SAMD3: variants seen among roughly 807,000 people sequenced by gnomAD.
SAMD3 encodes sterile alpha motif domain-containing protein 3.
In SAMD3, 63 loss-of-function variants were observed where a neutral mutation model predicts 58.5. The ratio of observed to expected loss-of-function variants is 1.08; its 90% CI spans 0.88 to 1.33. The LOEUF is 1.33. Ranked by LOEUF, SAMD3 falls within the 40% of genes most tolerant of loss-of-function variation. The pLI is 0.00. For missense variants in SAMD3, 604 were observed against 608.4 expected, an observed-to-expected ratio of 0.99 and a Z score of 0.08; for synonymous variants, 220 against 210.3, an observed-to-expected ratio of 1.05 and a Z score of -0.40.
At chr6:130,271,103 G>A (rs181823428) in intron 2 of SAMD3, among the ~76,000 whole-genome samples, 25 of 151,932 alleles carry the variant, frequency 1.6e-4, no homozygotes, top group Admixed American at 7.2e-4. Flanking sequence ...GGGCTCAAGC[G>A]ATTCTCCTGC....
Position 130,145,419 on chromosome 6 carries a change from A to C in SAMD3, c.1199T>G (p.Met400Arg). The C allele has an allele frequency of 6.2e-7, 1 of 1,608,210 alleles. No homozygotes were observed. Among genetic ancestry groups the C allele is most frequent in the Non-Finnish European group, 8.5e-7 (1 of 1,175,606 alleles). Reference protein sequence around the residue: ...HYTDEDMLKYMKMTATCLLLP... With the variant: ...HYTDEDMLKYRKMTATCLLLP... ...GAGTAAACATGTGGCTGTCATCTTCATGTCTGTCAAAGCAAATATGTTAAC... is the reference window on the plus strand; with the variant it reads ...GAGTAAACATGTGGCTGTCATCTTCCTGTCTGTCAAAGCAAATATGTTAAC... Residue 400 changes from methionine to arginine, a missense_variant, in exon 11 of 12, where the codon ATG becomes AGG. Met to Arg is a moderately conservative substitution (Grantham distance 91). Coordinates refer to ENST00000439090, the MANE Select transcript of SAMD3 (RefSeq NM_001017373.4).
At chr6:130,193,542 T>G (rs1793771039) in intron 5 of SAMD3, among the ~76,000 whole-genome samples, 1 of 152,002 alleles carries the variant, frequency 6.6e-6, no homozygotes, top group South Asian at 2.1e-4. Context: ...ACCCCTTCCC[T>G]CTGTGTCTCT....
downstream of SAMD3, chr6:130,144,137 C>A: frequency 5.4e-6 from 1 of 184,608 alleles, no homozygotes; most frequent in Non-Finnish European, 1.1e-5. Context: ...ACCAAAGAGA[C>A]AGCCCACAGG....
intron 1 of SAMD3, among the ~76,000 whole-genome samples, chr6:130,219,254 A>G (rs1041479998): frequency 6.6e-6 from 1 of 152,224 alleles, no homozygotes; most frequent in Non-Finnish European, 1.5e-5. Flanking sequence ...CAGGTGAAAC[A>G]CACCAAAAGG....
At chr6:130,300,306 T>C (rs187024847) in intron 2 of SAMD3, among the ~76,000 whole-genome samples, 4 of 152,220 alleles carry the variant, frequency 2.6e-5, no homozygotes, top group Admixed American at 1.3e-4. Flanking sequence ...TTTCAACATA[T>C]GCAAATCAAT....
chr6:130,156,687 A>C (rs1274280367), intron 8 of SAMD3, among the ~76,000 whole-genome samples: 1 of 152,150 alleles, frequency 6.6e-6, no homozygotes, highest in Non-Finnish European at 1.5e-5. Context: ...GAACAGTATG[A>C]TTGTTGGGCA....
At chr6:130,171,651 G>T (rs570252814) in intron 8 of SAMD3, among the ~76,000 whole-genome samples, 1 of 152,140 alleles carries the variant, frequency 6.6e-6, no homozygotes, top group Non-Finnish European at 1.5e-5. Context: ...TTTAGAATAC[G>T]TGCTGTGTGG....
At chr6:130,157,129 A>G (rs1393753628) in intron 8 of SAMD3, among the ~76,000 whole-genome samples, 2 of 151,474 alleles carry the variant, frequency 1.3e-5, no homozygotes, top group Non-Finnish European at 2.9e-5. Flanking sequence ...TAAAATTACA[A>G]CAGTTCCATA....
chr6:130,353,269 A>G (rs1421065553), intron 1 of SAMD3, among the ~76,000 whole-genome samples: 3 of 152,178 alleles, frequency 2.0e-5, no homozygotes, highest in Admixed American at 6.5e-5. Flanking sequence ...ATATGTTTGC[A>G]TTACCATAAA....
intron 1 of SAMD3, among the ~76,000 whole-genome samples, chr6:130,315,965 C>A (rs1222401495): frequency 6.6e-6 from 1 of 152,158 alleles, no homozygotes; most frequent in Non-Finnish European, 1.5e-5. Flanking sequence ...AGGTTCATAT[C>A]TTTCTTCACA....
intron 1 of SAMD3, among the ~76,000 whole-genome samples, chr6:130,338,904 T>C (rs1777181165): frequency 6.6e-6 from 1 of 152,126 alleles, no homozygotes; most frequent in African/African-American, 2.4e-5. Flanking sequence ...TTTGGGTTAA[T>C]TGTGGAATGA....
intron 1 of SAMD3, among the ~76,000 whole-genome samples, chr6:130,359,680 C>T (rs1777930321): frequency 6.6e-6 from 1 of 152,220 alleles, no homozygotes; most frequent in South Asian, 2.1e-4. Flanking sequence ...AAAGGGCTCT[C>T]ACTCGCTCAT....
chr6:130,170,977 T>C (rs1791195975), intron 8 of SAMD3, among the ~76,000 whole-genome samples: 1 of 152,234 alleles, frequency 6.6e-6, no homozygotes, highest in African/African-American at 2.4e-5. Flanking sequence ...TCCAATACTA[T>C]CTTGAATAAG....
chr6:130,310,214 C>A (rs1398820), intron 2 of SAMD3, among the ~76,000 whole-genome samples: 24,340 of 152,178 alleles, frequency 0.16, 2,199 homozygotes, highest in East Asian at 0.36. Context: ...AATATCATCA[C>A]CGTAATTGCT....
At chr6:130,154,709 AAAAAAAAAAATATATAT>A (rs1562372993) in intron 9 of SAMD3, 99 bp downstream of exon 9, 6 of 144,784 alleles carry the variant, frequency 4.1e-5, no homozygotes, top group African/African-American at 1.4e-4. Context: ...AAAAAAAAAA[AAAAAAAAAAATATATAT>A]ATATATATAT....
At chr6:130,264,705 T>C (rs1027988286) in intron 2 of SAMD3, among the ~76,000 whole-genome samples, 2 of 152,242 alleles carry the variant, frequency 1.3e-5, no homozygotes, top group African/African-American at 4.8e-5. Flanking sequence ...AATATTTTAG[T>C]GGGTGACAGT....
In SAMD3 at chr6:130,245,494, T is replaced by G. The variant is rs891689119; in HGVS notation, c.-187-22681A>C. Among the ~76,000 whole-genome samples, 57 of 152,042 alleles carry G rather than the reference T, an allele frequency of 3.7e-4. 1 individual carries two copies. Among genetic ancestry groups the G allele is most frequent in the African/African-American group, 1.3e-3 (54 of 41,462 alleles). On this transcript the variant is annotated intron_variant, in intron 2 of 13. Coordinates refer to the SAMD3 transcript ENST00000368134. ...TCAGACTTACACTGGACTCAAAGAG[T>G]GGAATTGATATTCCACTTAGGTTGG...
intron 2 of SAMD3, among the ~76,000 whole-genome samples, chr6:130,294,735 G>A (rs988509826): frequency 2.6e-5 from 4 of 150,946 alleles, no homozygotes; most frequent in Admixed American, 2.0e-4. Context: ...TGAATGTCTC[G>A]AATGCCTCCA....
rs1417702963 is a variant in SAMD3 at position 130,335,106 on chromosome 6, G to T, written c.-303-22013C>A. Among the ~76,000 whole-genome samples, 42 of 152,148 alleles carry T rather than the reference G, an allele frequency of 2.8e-4. 1 individual carries two copies. The highest frequency in any genetic ancestry group is 2.8e-3 in the Admixed American group (42 of 15,266). Reference sequence around the variant, plus strand: ...CCCAGCCGCTATTTTTCTCAAAGTTGGCTTTCCTATTCCCAAAGATGAGCC... The same window carrying T: ...CCCAGCCGCTATTTTTCTCAAAGTTTGCTTTCCTATTCCCAAAGATGAGCC... On this transcript the variant is annotated intron_variant, in intron 1 of 13. Coordinates refer to the SAMD3 transcript ENST00000368134.
Sources: allele counts gnomAD v4.1 joint callset (sites outside exome capture counted in the v4.1 genomes callset), GRCh38; gene constraint gnomAD v4.1.1; transcripts MANE v1.5; gene names NCBI Gene and HGNC (gene_info 2026-07-23, HGNC 2026-07-21).